ANKS6: variants seen among roughly 807,000 people sequenced by gnomAD.
The protein encoded by ANKS6 is ankyrin repeat and SAM domain-containing protein 6.
A neutral mutation model predicts 77.9 loss-of-function variants in ANKS6; 47 were observed. That is an observed-to-expected ratio of 0.60 (90% CI 0.48 to 0.77). ANKS6 has a LOEUF of 0.77. Ranked by LOEUF, ANKS6 falls within the 30% of genes least tolerant of loss-of-function variation. The pLI is 0.00. For synonymous variants in ANKS6, 488 were observed against 501.7 expected (o/e 0.97, Z 0.37); for missense variants, 1,150 against 1,159.1 (o/e 0.99, Z 0.11).
At position 98,745,809 on chromosome 9, in the gene ANKS6, C is replaced by T. The variant is rs574733526; in HGVS notation, c.2395-134G>A. 6.0e-6 allele frequency: 4 copies of T among 672,238 alleles called. No individual in the cohort carries two copies. The African/African-American group carries it at 7.2e-5, about 12-fold the overall frequency. 41.6% of individuals were successfully genotyped at this position (672,238 alleles called of 1,614,324 possible). On this transcript the variant is annotated intron_variant, in intron 13 of 14. Coordinates refer to ENST00000353234, the MANE Select transcript of ANKS6 (RefSeq NM_173551.5). Reference sequence around the variant, plus strand: ...TGATGATGATTTACTACTTCTAAGTCCTGACTTTATGTTTAGAGTTTCGTT... The same window carrying T: ...TGATGATGATTTACTACTTCTAAGTTCTGACTTTATGTTTAGAGTTTCGTT...
intron 2 of ANKS6, among the ~76,000 whole-genome samples, chr9:98,789,116 A>G: frequency 6.8e-6 from 1 of 147,456 alleles, no homozygotes. Context: ...GGGCTATTCT[A>G]TATTCTTTCA....
chr9:98,789,427 T>C (rs1027168825), intron 2 of ANKS6, among the ~76,000 whole-genome samples: 1 of 47,292 alleles, frequency 2.1e-5, no homozygotes, highest in East Asian at 4.7e-4. Context: ...TGGCAAGAAG[T>C]TAAAAAAAAA....
At chr9:98,782,776 C>T (rs1459123842) in intron 4 of ANKS6, among the ~76,000 whole-genome samples, 1 of 152,102 alleles carries the variant, frequency 6.6e-6, no homozygotes, top group Non-Finnish European at 1.5e-5. Context: ...CTAAGTGTTC[C>T]TTCCAGGAAC....
At chr9:98,739,968 G>A (rs192061611) in intron 14 of ANKS6, among the ~76,000 whole-genome samples, 42 of 152,002 alleles carry the variant, frequency 2.8e-4, no homozygotes, top group African/African-American at 9.9e-4. Context: ...TGTTAGCCAG[G>A]ATGGTCTCGA....
intron 2 of ANKS6, among the ~76,000 whole-genome samples, chr9:98,785,764 C>T (rs1302675804): frequency 1.3e-5 from 2 of 152,138 alleles, no homozygotes; most frequent in Non-Finnish European, 2.9e-5. Context: ...AATGAGCCCT[C>T]TTGAGTAACT....
At chr9:98,771,179 G>A (rs569133403) in intron 9 of ANKS6, 133 bp from the exon 10 acceptor site, 3 of 1,096,206 alleles carry the variant, frequency 2.7e-6, no homozygotes, top group Middle Eastern at 2.7e-4. Flanking sequence ...GCATGGCCCT[G>A]CCAGGGCCCA....
chr9:98,785,362 C>T (rs1202648766), intron 2 of ANKS6, among the ~76,000 whole-genome samples: 1 of 152,222 alleles, frequency 6.6e-6, no homozygotes, highest in African/African-American at 2.4e-5. Flanking sequence ...AGAGCCAATG[C>T]TCATATTTTC....
chr9:98,772,752 C>A (rs1365407225), intron 9 of ANKS6, among the ~76,000 whole-genome samples: 1 of 152,188 alleles, frequency 6.6e-6, no homozygotes, highest in Non-Finnish European at 1.5e-5. Context: ...CTGCACTCCA[C>A]TGGGGAGAAA....
Position 98,733,826 on chromosome 9 carries a change from AC to A in ANKS6, c.*2692del. ...AACCTCACCCCACTTTCACATACAC[AC>A]CCTACGTTTCTTTATGAAAAACCTA... On this transcript the variant is annotated 3_prime_UTR_variant, in exon 15 of 15. Coordinates refer to ENST00000353234, the MANE Select transcript of ANKS6 (RefSeq NM_173551.5). 8 of 985,188 alleles carry A rather than the reference AC, an allele frequency of 8.1e-6. No homozygotes were observed. Among genetic ancestry groups the A allele is most frequent in the Non-Finnish European group, 9.6e-6 (8 of 829,898 alleles). 61.0% of individuals were successfully genotyped at this position (985,188 alleles called of 1,614,324 possible). A position where few individuals can be genotyped will look rare whatever the true frequency, so the allele number is the denominator to read the frequency against.
At chr9:98,786,748 G>A (rs1335093731) in intron 2 of ANKS6, among the ~76,000 whole-genome samples, 1 of 152,192 alleles carries the variant, frequency 6.6e-6, no homozygotes, top group African/African-American at 2.4e-5. Flanking sequence ...TTGCTGTGGG[G>A]TGGGGTCTTC....
At chr9:98,782,624 G>C (rs773937116) in intron 4 of ANKS6, 51 bp from the exon 5 acceptor site, 2 of 1,482,804 alleles carry the variant, frequency 1.3e-6, no homozygotes, top group Non-Finnish European at 1.9e-6. Context: ...GCATGGCTTT[G>C]CTCCTGGGCA....
In ANKS6 at chr9:98,777,434, C is replaced by A. The variant is rs748436489; in HGVS notation, c.1588G>T (p.Glu530Ter). The change falls in exon 8 of 15, where the codon GAA (glutamate) becomes TAA (stop). Residue 530 changes from glutamate (E) to a stop codon, truncating the protein, a stop_gained. Transcript: ENST00000353234. LOFTEE classifies it high-confidence loss of function. ...GTTGTCAATAACGTGTCTTCCTTTT[C>A]TCCTCTTGTGCTCCCAGGACCTGAG... ...KDNGPGSTRGEKEDTLLTTML... is the reference protein window; with the variant it reads ...KDNGPGSTRG The A allele has an allele frequency of 3.1e-6, 5 of 1,614,214 alleles. No homozygotes were observed. Among genetic ancestry groups the A allele is most frequent in the Non-Finnish European group, 4.2e-6 (5 of 1,180,032 alleles).
chr9:98,768,609 A>G (rs1833441435), intron 10 of ANKS6, among the ~76,000 whole-genome samples: 1 of 152,206 alleles, frequency 6.6e-6, no homozygotes, highest in Admixed American at 6.5e-5. Context: ...AGAGCCGGCC[A>G]GCAGCTGCAC....
intron 10 of ANKS6, among the ~76,000 whole-genome samples, chr9:98,768,509 C>T (rs1009014634): frequency 6.6e-6 from 1 of 152,120 alleles, no homozygotes; most frequent in African/African-American, 2.4e-5. Context: ...AGTCCATCCT[C>T]GCTTTCCCCG....
intron 8 of ANKS6, 73 bp from the exon 9 acceptor site, chr9:98,774,153 T>A: frequency 7.7e-7 from 1 of 1,305,898 alleles, no homozygotes; most frequent in Non-Finnish European, 9.9e-7. Context: ...ACTCCATGTT[T>A]TTCCTGCTTC....
intron 8 of ANKS6, among the ~76,000 whole-genome samples, chr9:98,776,685 G>A (rs1833938687): frequency 6.6e-6 from 1 of 152,210 alleles, no homozygotes. Context: ...ACAGGCATGA[G>A]CTACTGTGCG....
chr9:98,767,904 C>T lies in ANKS6; in HGVS notation c.2142+177G>A, dbSNP rs144244374. On this transcript the variant is annotated intron_variant, in intron 11 of 14. Coordinates refer to ENST00000353234, the MANE Select transcript of ANKS6 (RefSeq NM_173551.5). ...ACCTGGAGATGTGAGGGGAGGTAAA[C>T]GCCTGGTGCGGAGGACCATTTCAGC... is the stretch of plus-strand genomic sequence containing the variant. 2.0e-3 allele frequency among the ~76,000 whole-genome samples: 310 copies of T among 152,346 alleles called. 4 individuals carry two copies. The highest frequency in any genetic ancestry group is 6.3e-3 in the African/African-American group (263 of 41,586).
chr9:98,790,322 G>A lies in ANKS6; in HGVS notation c.644C>T (p.Ala215Val), dbSNP rs758892976. The A allele has an allele frequency of 5.3e-5, 85 of 1,609,282 alleles. No individual in the cohort carries two copies. The highest frequency in any genetic ancestry group is 1.6e-4 in the Middle Eastern group (1 of 6,078). ...GGTCCGGGCTGCGTGGTTGGGGTCC[G>A]CGCCCCACTCCATCAGTAGACGCAC... ...AVVRLLMEWGADPNHAARTVG... is the reference protein window; with the variant it reads ...AVVRLLMEWGVDPNHAARTVG... Residue 215 changes from alanine (A) to valine (V), a missense_variant, in exon 2 of 15, where the codon GCG (alanine) becomes GTG (valine). Coordinates refer to ENST00000353234, the MANE Select transcript of ANKS6 (RefSeq NM_173551.5).
chr9:98,746,582 C>CTTT (rs71496901), intron 13 of ANKS6, among the ~76,000 whole-genome samples: 35 of 133,322 alleles, frequency 2.6e-4, no homozygotes, highest in African/African-American at 8.9e-4. Flanking sequence ...GCACAGAGAG[C>CTTT]TTTTTTTTTT....
Sources: gnomAD v4.1 joint callset for allele counts (sites outside exome capture counted in the v4.1 genomes callset) on GRCh38, gnomAD v4.1.1 for gene constraint, MANE v1.5 for transcripts, NCBI Gene and HGNC (gene_info 2026-07-23, HGNC 2026-07-21) for gene names.